The following RAB2A variants were observed in gnomAD, a reference collection of about 807,000 sequenced individuals.
The protein encoded by RAB2A is ras-related protein Rab-2A.
In RAB2A, 7 loss-of-function variants were observed where a neutral mutation model predicts 32.5. The ratio of observed to expected loss-of-function variants is 0.22; its 90% confidence interval spans 0.12 to 0.40. RAB2A has a LOEUF of 0.40. Ranked by LOEUF, RAB2A falls within the 10% of genes least tolerant of loss-of-function variation. The probability of loss-of-function intolerance (pLI) is 1.00; values close to 1 mark genes in which losing one functional copy is unlikely to be tolerated. For missense variants in RAB2A, 108 were observed against 260.7 expected, an observed-to-expected ratio of 0.41 and a Z score of 4.03; for synonymous variants, 79 against 85.2, an observed-to-expected ratio of 0.93 and a Z score of 0.40.
At chr8:60,600,740 A>G (rs1349000878) in intron 6 of RAB2A, among the ~76,000 whole-genome samples, 5 of 152,216 alleles carry the variant, frequency 3.3e-5, no homozygotes, top group Non-Finnish European at 7.3e-5. Flanking sequence ...AACAATAAGA[A>G]GGGGGAAACT....
chr8:60,599,206 G>C (rs1028330762), intron 6 of RAB2A, among the ~76,000 whole-genome samples: 2 of 152,022 alleles, frequency 1.3e-5, no homozygotes, highest in Non-Finnish European at 2.9e-5. Flanking sequence ...GAAATACTTA[G>C]GGGTGAATCT....
At chr8:60,606,936 A>G (rs1431811119) in intron 6 of RAB2A, among the ~76,000 whole-genome samples, 2 of 152,134 alleles carry the variant, frequency 1.3e-5, no homozygotes, top group African/African-American at 2.4e-5. Flanking sequence ...TAAAATTGGA[A>G]TTGGCGGGGG....
chr8:60,555,888 T>C (rs1016334878), intron 1 of RAB2A, among the ~76,000 whole-genome samples: 1 of 152,130 alleles, frequency 6.6e-6, no homozygotes, highest in Non-Finnish European at 1.5e-5. Flanking sequence ...TATATCAAAG[T>C]AGTGTTAATA....
chr8:60,613,488 T>C (rs1804396343), intron 6 of RAB2A, among the ~76,000 whole-genome samples: 1 of 152,208 alleles, frequency 6.6e-6, no homozygotes, highest in Non-Finnish European at 1.5e-5. Flanking sequence ...ATGTTGCAGT[T>C]ATAATTGAAC....
intron 1 of RAB2A, chr8:60,558,421 A>G (rs897475818): frequency 2.0e-6 from 1 of 511,046 alleles, no homozygotes; most frequent in Non-Finnish European, 3.9e-6. Context: ...TTTCCCAGAA[A>G]AGTAGATCTC....
intron 3 of RAB2A, chr8:60,576,178 CT>C: frequency 2.2e-6 from 1 of 455,896 alleles, no homozygotes; most frequent in East Asian, 6.9e-5. Context: ...TACTGAGTTA[CT>C]TTTCTTTCAT....
At chr8:60,524,805 C>G (rs1422567090) in intron 1 of RAB2A, among the ~76,000 whole-genome samples, 1 of 152,108 alleles carries the variant, frequency 6.6e-6, no homozygotes, top group Non-Finnish European at 1.5e-5. Context: ...AGCCATGGGC[C>G]TTTTTTGCTT....
intron 1 of RAB2A, among the ~76,000 whole-genome samples, chr8:60,550,794 G>A (rs902380322): frequency 6.6e-6 from 1 of 152,114 alleles, no homozygotes; most frequent in African/African-American, 2.4e-5. Context: ...AAACTCTCCA[G>A]TGAATCCCCT....
At chr8:60,576,818 C>CT (rs1034682622) in intron 3 of RAB2A, among the ~76,000 whole-genome samples, 3 of 152,214 alleles carry the variant, frequency 2.0e-5, no homozygotes, top group African/African-American at 7.2e-5. Flanking sequence ...CTTCCTCCCT[C>CT]TCCCCCACCA....
At chr8:60,612,721 A>AT (rs1250216487) in intron 6 of RAB2A, among the ~76,000 whole-genome samples, 1 of 152,242 alleles carries the variant, frequency 6.6e-6, no homozygotes, top group African/African-American at 2.4e-5. Context: ...TGAGAAAATT[A>AT]TAGATTGTAG....
chr8:60,559,553 A>G (rs930417119), intron 2 of RAB2A, among the ~76,000 whole-genome samples: 2 of 152,234 alleles, frequency 1.3e-5, no homozygotes, highest in East Asian at 3.8e-4. Context: ...GTGATTTTCC[A>G]TTGTATTAAT....
intron 5 of RAB2A, among the ~76,000 whole-genome samples, chr8:60,588,826 A>G (rs1255004125): frequency 6.6e-6 from 1 of 152,230 alleles, no homozygotes; most frequent in African/African-American, 2.4e-5. Context: ...AATGTAAAAC[A>G]TCGTTATACT....
chr8:60,613,478 A>G (rs1365162928), intron 6 of RAB2A, among the ~76,000 whole-genome samples: 1 of 152,176 alleles, frequency 6.6e-6, no homozygotes, highest in Non-Finnish European at 1.5e-5. Context: ...TTTGTTTTGT[A>G]TGTTGCAGTT....
intron 1 of RAB2A, among the ~76,000 whole-genome samples, chr8:60,538,087 A>G (rs1183984172): frequency 6.6e-6 from 1 of 152,240 alleles, no homozygotes; most frequent in Non-Finnish European, 1.5e-5. Flanking sequence ...AGAAAGGAAT[A>G]GGGATGCCAT....
rs146162692 is a variant in RAB2A, at chr8:60,526,020, C to CATATATATATAT, written c.46+8793_46+8804dup. The stretch of plus-strand genomic sequence containing the variant: ...CTATATGTATATATGTGTGTGTGTA[C>CATATATATATAT]ATATATATATATATATATATATATA... On this transcript the variant is annotated intron_variant, in intron 1 of 7. Transcript: ENST00000262646. 2.8e-3 allele frequency among the ~76,000 whole-genome samples: 254 copies of CATATATATATAT among 92,274 alleles called. 2 individuals are homozygous for CATATATATATAT. The highest frequency in any genetic ancestry group is 4.4e-3 in the African/African-American group (115 of 26,344). 60.5% of individuals were successfully genotyped at this position (92,274 alleles called of 152,430 possible). A position where few individuals can be genotyped will look rare whatever the true frequency, so the allele number is the denominator to read the frequency against.
chr8:60,563,868 A>G (rs1465793450), intron 2 of RAB2A, among the ~76,000 whole-genome samples: 1 of 152,096 alleles, frequency 6.6e-6, no homozygotes, highest in Non-Finnish European at 1.5e-5. Flanking sequence ...GTGCCCTTAT[A>G]ATCATTCCTG....
chr8:60,531,798 AT>A (rs11320293), intron 1 of RAB2A, among the ~76,000 whole-genome samples: 7,044 of 129,662 alleles, frequency 0.054, 344 homozygotes, highest in African/African-American at 0.14. Flanking sequence ...TTCTACCTTG[AT>A]TTTTTTTTTT....
chr8:60,581,060 AC>A (rs1803740973), intron 3 of RAB2A, among the ~76,000 whole-genome samples: 1 of 152,196 alleles, frequency 6.6e-6, no homozygotes, highest in South Asian at 2.1e-4. Flanking sequence ...AGATGCTAAC[AC>A]CCTCAGTAGA....
chr8:60,620,952 G>A lies in RAB2A; in HGVS notation c.*183G>A. On this transcript the variant is annotated 3_prime_UTR_variant, in exon 8 of 8. Transcript: ENST00000262646. ...AATGTTCACTTAAAAGACAGATTTT[G>A]GAGATTGTATTCATATCTATTTGCA... 3.7e-6 allele frequency: 2 copies of A among 538,220 alleles called. No individual in the cohort carries two copies. Among genetic ancestry groups the A allele is most frequent in the Non-Finnish European group, 6.5e-6 (2 of 309,694 alleles). 33.3% of individuals were successfully genotyped at this position (538,220 alleles called of 1,614,324 possible).
Sources: allele counts gnomAD v4.1 joint callset (sites outside exome capture counted in the v4.1 genomes callset), GRCh38; gene constraint gnomAD v4.1.1; transcripts MANE v1.5; gene names NCBI Gene and HGNC (gene_info 2026-07-23, HGNC 2026-07-21).